Variants in XRCC4 observed in about 807,000 individuals in gnomAD.
XRCC4 encodes X-ray repair cross complementing 4.
Under a neutral mutation model 39.1 loss-of-function variants are expected in XRCC4, and 28 were observed. The observed-to-expected ratio is 0.72, with a 90% CI of 0.53 to 0.98. The LOEUF (loss-of-function observed/expected upper bound fraction) is 0.98, where lower values mean the gene tolerates loss of function less well. Among genes scored for constraint, XRCC4 ranks in the 50% least tolerant of loss-of-function variants. The pLI, the probability that XRCC4 is intolerant of heterozygous loss-of-function variation, is 0.00. For missense variants in XRCC4, 350 were observed against 376.4 expected, an observed-to-expected ratio of 0.93 and a Z score of 0.58; for synonymous variants, 123 against 126.4, an observed-to-expected ratio of 0.97 and a Z score of 0.18.
At chr5:83,199,322 C>T (rs551776686) in intron 4 of XRCC4, among the ~76,000 whole-genome samples, 1 of 152,200 alleles carries the variant, frequency 6.6e-6, no homozygotes, top group Admixed American at 6.5e-5. Flanking sequence ...AGGCCATTTC[C>T]TCTTGTTCTC....
rs78626073 is a variant in XRCC4 at position 83,187,558 on chromosome 5, G to T, written c.316-8212G>T. On this transcript the variant is annotated intron_variant, in intron 3 of 7. Transcript: ENST00000396027. ...TTCAAGCATAGAAAGAAGGCAAGTG[G>T]CTGGGGCACAGCAAAGGGAGGGAGA... Among the ~76,000 whole-genome samples, 372 of 152,266 alleles carry T rather than the reference G, an allele frequency of 2.4e-3. 2 individuals are homozygous for T. Among genetic ancestry groups the T allele is most frequent in the African/African-American group, 8.5e-3 (355 of 41,552 alleles).
chr5:83,109,845 GA>G (rs913767288), intron 2 of XRCC4, among the ~76,000 whole-genome samples: 1 of 151,878 alleles, frequency 6.6e-6, no homozygotes, highest in Non-Finnish European at 1.5e-5. Flanking sequence ...ATAAAGAAAG[GA>G]ACCTGGAAAA....
intron 7 of XRCC4, among the ~76,000 whole-genome samples, chr5:83,306,369 C>A (rs1267633408): frequency 6.6e-6 from 1 of 152,034 alleles, no homozygotes; most frequent in Non-Finnish European, 1.5e-5. Flanking sequence ...ACTTCAAATA[C>A]AAAGAGAAAA....
At chr5:83,195,258 A>C (rs958625831) in intron 3 of XRCC4, among the ~76,000 whole-genome samples, 2 of 152,168 alleles carry the variant, frequency 1.3e-5, no homozygotes, top group African/African-American at 4.8e-5. Flanking sequence ...ATGGTAATAA[A>C]TTATTGTCTT....
At chr5:83,309,509 C>T (rs1315762575) in intron 7 of XRCC4, among the ~76,000 whole-genome samples, 1 of 150,550 alleles carries the variant, frequency 6.6e-6, no homozygotes, top group African/African-American at 2.4e-5. Flanking sequence ...CGCCTGTAAT[C>T]CCAGCACTTT....
intron 4 of XRCC4, among the ~76,000 whole-genome samples, chr5:83,196,812 T>A (rs1357727261): frequency 6.6e-6 from 1 of 151,794 alleles, no homozygotes; most frequent in East Asian, 1.9e-4. Context: ...TGGGAACAGT[T>A]TATCCAACAT....
At chr5:83,165,191 TA>T (rs561991042) in intron 3 of XRCC4, among the ~76,000 whole-genome samples, 4 of 151,208 alleles carry the variant, frequency 2.6e-5, no homozygotes, top group Non-Finnish European at 3.0e-5. Context: ...ATTCCCCCTT[TA>T]AAAAAAAATC....
In XRCC4 at chr5:83,270,787, GTATATATTTTTTTTTTGAGACAGAGTC is replaced by G. The variant is rs1754118088; in HGVS notation, c.893+12112_893+12138del. On this transcript the variant is annotated intron_variant, in intron 7 of 7. Coordinates refer to ENST00000396027, the MANE Select transcript of XRCC4 (RefSeq NM_003401.5). ...AAAAAAAATATATACATATATATATGTATATATTTTTTTTTTGAGACAGAGTCTCACTCTGTCACCCAGGCTGGAATG... is the reference window on the plus strand; with the variant it reads ...AAAAAAAATATATACATATATATATGTCACTCTGTCACCCAGGCTGGAATG... 7.0e-5 allele frequency among the ~76,000 whole-genome samples: 4 copies of G among 57,090 alleles called. No homozygotes were observed. The South Asian group carries it at 3.1e-3, about 45-fold the overall frequency. 37.5% of individuals were successfully genotyped at this position (57,090 alleles called of 152,430 possible).
At chr5:83,183,185 C>CT (rs1295877652) in intron 3 of XRCC4, among the ~76,000 whole-genome samples, 1 of 152,022 alleles carries the variant, frequency 6.6e-6, no homozygotes, top group South Asian at 2.1e-4. Context: ...TTAGAATCTC[C>CT]TTTTTTTCCC....
At chr5:83,092,596 A>C (rs934533890) in intron 1 of XRCC4, among the ~76,000 whole-genome samples, 1 of 151,768 alleles carries the variant, frequency 6.6e-6, no homozygotes, top group African/African-American at 2.4e-5. Context: ...ATAAACTTTC[A>C]AGGGATATAT....
intron 3 of XRCC4, among the ~76,000 whole-genome samples, chr5:83,166,519 C>T (rs867034423): frequency 1.9e-4 from 28 of 150,952 alleles, no homozygotes; most frequent in Admixed American, 2.6e-4. Context: ...GCTGGAGTGC[C>T]GTGGTATGAT....
At chr5:83,241,854 G>C (rs2112848347) in intron 6 of XRCC4, among the ~76,000 whole-genome samples, 1 of 152,096 alleles carries the variant, frequency 6.6e-6, no homozygotes, top group South Asian at 2.1e-4. Context: ...ATAAGGAAGA[G>C]AAAATATATT....
intron 3 of XRCC4, among the ~76,000 whole-genome samples, chr5:83,171,600 G>A (rs1293462596): frequency 1.3e-5 from 2 of 152,108 alleles, no homozygotes; most frequent in Admixed American, 6.6e-5. Flanking sequence ...CTGAAGATGG[G>A]AAATGCTCTC....
chr5:83,204,726 G>C, intron 5 of XRCC4, 89 bp from the exon 6 acceptor site: 1 of 839,164 alleles, frequency 1.2e-6, no homozygotes, highest in Non-Finnish European at 1.8e-6. Flanking sequence ...CTTTTTCTAG[G>C]AATATTTTCT....
At chr5:83,157,445 T>TA (rs1315639125) in intron 3 of XRCC4, among the ~76,000 whole-genome samples, 1 of 152,102 alleles carries the variant, frequency 6.6e-6, no homozygotes, top group African/African-American at 2.4e-5. Context: ...TAGGCAAGGC[T>TA]TGCCAGGCAT....
rs370015659 is a variant in XRCC4 at position 83,105,062 on chromosome 5, A to G, written c.139+4A>G. The stretch of plus-strand genomic sequence containing the variant: ...CATTCAGCATGGACTGGGACAGGTA[A>G]TACTAAAAACAAAGTTTTTATAAGT... On this transcript the variant is annotated splice_donor_region_variant and intron_variant, in intron 2 of 7. Coordinates refer to ENST00000396027, the MANE Select transcript of XRCC4 (RefSeq NM_003401.5). 6.3e-7 allele frequency: 1 copy of G among 1,598,076 alleles called. No homozygotes were observed. Among genetic ancestry groups the G allele is most frequent in the Non-Finnish European group, 8.5e-7 (1 of 1,175,182 alleles).
At chr5:83,308,793 G>C (rs1209378833) in intron 7 of XRCC4, among the ~76,000 whole-genome samples, 2 of 151,890 alleles carry the variant, frequency 1.3e-5, no homozygotes, top group South Asian at 2.1e-4. Flanking sequence ...TTAATATTTA[G>C]ATTGCACAAT....
chr5:83,327,355 G>T (rs923820056), intron 7 of XRCC4, among the ~76,000 whole-genome samples: 8 of 151,954 alleles, frequency 5.3e-5, no homozygotes, highest in African/African-American at 1.9e-4. Flanking sequence ...TTTCCATGTA[G>T]AAATATATCA....
intron 3 of XRCC4, among the ~76,000 whole-genome samples, chr5:83,154,058 A>G (rs1318513621): frequency 6.6e-6 from 1 of 152,162 alleles, no homozygotes; most frequent in African/African-American, 2.4e-5. Context: ...TCATACAGTT[A>G]AGGAAAGTGT....
Sources: gnomAD v4.1 joint callset for allele counts (sites outside exome capture counted in the v4.1 genomes callset) on GRCh38, gnomAD v4.1.1 for gene constraint, MANE v1.5 for transcripts, NCBI Gene and HGNC (gene_info 2026-07-23, HGNC 2026-07-21) for gene names.